The following ATP8A1 variants were observed in gnomAD, a reference collection of about 807,000 sequenced individuals.
The protein encoded by ATP8A1 is phospholipid-transporting ATPase IA.
A neutral mutation model predicts 177.7 loss-of-function variants in ATP8A1; 90 were observed. The ratio of observed to expected loss-of-function variants is 0.51; its 90% CI spans 0.43 to 0.60. The LOEUF (loss-of-function observed/expected upper bound fraction) is 0.60. Ranked by LOEUF, ATP8A1 falls within the 20% of genes least tolerant of loss-of-function variation. The probability of loss-of-function intolerance (pLI) is 0.00; values close to 1 mark genes in which losing one functional copy is unlikely to be tolerated. For missense variants in ATP8A1, 1,072 were observed against 1,392.8 expected (o/e 0.77, Z 3.67); for synonymous variants, 493 against 485.9 (o/e 1.01, Z -0.19).
In ATP8A1 at chr4:42,592,608, T is replaced by C. The variant is rs73810728; in HGVS notation, c.451-1724A>G. Among the ~76,000 whole-genome samples the C allele has an allele frequency of 7.8e-3, 1,185 of 152,250 alleles. 19 individuals are homozygous for C. The highest frequency in any genetic ancestry group is 0.027 in the African/African-American group (1,122 of 41,560). On this transcript the variant is annotated intron_variant, in intron 6 of 36. Coordinates refer to ENST00000381668, the MANE Select transcript of ATP8A1 (RefSeq NM_006095.2). ...AGGTGTTACTATCATTTTGAACTTA[T>C]ATACAGTCACGTGACAATGACAGGT...
intron 31 of ATP8A1, among the ~76,000 whole-genome samples, chr4:42,445,721 G>A (rs879348837): frequency 1.3e-5 from 2 of 152,054 alleles, no homozygotes; most frequent in Non-Finnish European, 2.9e-5. Context: ...TGGCAATTTA[G>A]GTTATTTGTT....
chr4:42,462,817 G>C (rs866256404), intron 27 of ATP8A1, among the ~76,000 whole-genome samples: 13 of 152,220 alleles, frequency 8.5e-5, no homozygotes, highest in African/African-American at 2.9e-4. Flanking sequence ...CCACGGGGCA[G>C]AGCGGCCCAA....
chr4:42,434,291 C>T (rs1164869002), intron 33 of ATP8A1, among the ~76,000 whole-genome samples: 5 of 152,052 alleles, frequency 3.3e-5, no homozygotes, highest in African/African-American at 4.8e-5. Context: ...TTACTTGTTA[C>T]ACCATTCTTA....
chr4:42,621,857 A>G (rs746911333), intron 4 of ATP8A1, among the ~76,000 whole-genome samples: 22 of 152,346 alleles, frequency 1.4e-4, no homozygotes, highest in Non-Finnish European at 2.2e-4. Flanking sequence ...AGTAACCACA[A>G]TAACATGGTA....
chr4:42,517,001 A>G (rs1725608717), intron 22 of ATP8A1, among the ~76,000 whole-genome samples: 1 of 152,166 alleles, frequency 6.6e-6, no homozygotes, highest in Non-Finnish European at 1.5e-5. Context: ...CAAAATTTTA[A>G]TTTAAAAACC....
chr4:42,601,324 C>T (rs1434207681), intron 5 of ATP8A1, among the ~76,000 whole-genome samples: 2 of 151,318 alleles, frequency 1.3e-5, no homozygotes, highest in Non-Finnish European at 2.9e-5. Flanking sequence ...GCGTGAGCCA[C>T]CGCGCCTGGC....
rs763032686 is a variant in ATP8A1, at chr4:42,478,072, T to A, written c.2324+7424A>T. On this transcript the variant is annotated intron_variant, in intron 25 of 36. Coordinates refer to ENST00000381668, the MANE Select transcript of ATP8A1 (RefSeq NM_006095.2). ...CATGTAGAAAAATAAAGGTAAAAAA[T>A]TTTTTTGGCGGGCGGCTCATGCCTG... Among the ~76,000 whole-genome samples the A allele has an allele frequency of 1.4e-4, 22 of 151,996 alleles. 1 individual carries two copies. The highest frequency in any genetic ancestry group is 1.3e-3 in the Admixed American group (20 of 15,262).
chr4:42,586,471 T>C lies in ATP8A1; in HGVS notation c.600A>G (p.Leu200=), dbSNP rs1176388605. 1 of 1,613,744 alleles carries C rather than the reference T, an allele frequency of 6.2e-7. No homozygotes were observed. The highest frequency in any genetic ancestry group is 1.3e-5 in the African/African-American group (1 of 74,926). ...CGTCTTTGATATCTGATGTTGCTGG[T>C]AAGCCCTGTTTGGAATTTTTAAATA... ...GETNLKIRQG[L]PATSDIKDVD... The change falls in exon 9 of 37, where the codon TTA becomes TTG. Residue 200 remains leucine (L), a synonymous_variant. Transcript: ENST00000381668.
At chr4:42,466,877 A>G (rs532985763) in intron 25 of ATP8A1, among the ~76,000 whole-genome samples, 1 of 152,378 alleles carries the variant, frequency 6.6e-6, no homozygotes, top group South Asian at 2.1e-4. Context: ...ACTATAGTTG[A>G]CATTTAGTAA....
chr4:42,598,239 A>G (rs1488499618), intron 6 of ATP8A1, among the ~76,000 whole-genome samples: 1 of 152,124 alleles, frequency 6.6e-6, no homozygotes, highest in Non-Finnish European at 1.5e-5. Flanking sequence ...CTTAGATATA[A>G]ATATTCAAAT....
chr4:42,497,909 T>C (rs1251535117), intron 24 of ATP8A1, among the ~76,000 whole-genome samples: 1 of 151,170 alleles, frequency 6.6e-6, no homozygotes, highest in Non-Finnish European at 1.5e-5. Flanking sequence ...AACAATCTTT[T>C]TGCATTAGGA....
At chr4:42,518,584 C>G (rs950292523) in intron 22 of ATP8A1, among the ~76,000 whole-genome samples, 1 of 152,034 alleles carries the variant, frequency 6.6e-6, no homozygotes, top group African/African-American at 2.4e-5. Context: ...ATGATTCAGG[C>G]AATGTTTGCT....
chr4:42,570,684 T>G (rs1334512092), intron 14 of ATP8A1, among the ~76,000 whole-genome samples: 1 of 152,256 alleles, frequency 6.6e-6, no homozygotes, highest in Non-Finnish European at 1.5e-5. Flanking sequence ...TGATCCTATA[T>G]GCAAGTTTCC....
At chr4:42,591,777 T>C (rs1734207154) in intron 6 of ATP8A1, among the ~76,000 whole-genome samples, 1 of 152,174 alleles carries the variant, frequency 6.6e-6, no homozygotes, top group Non-Finnish European at 1.5e-5. Context: ...ACCATGTTCA[T>C]GCTTTAATTT....
intron 12 of ATP8A1, among the ~76,000 whole-genome samples, chr4:42,577,160 T>C (rs930537887): frequency 9.8e-5 from 15 of 152,368 alleles, no homozygotes; most frequent in African/African-American, 3.1e-4. Context: ...CTTTGAAAGA[T>C]ATTATTTTTG....
chr4:42,434,655 G>C (rs986493786), intron 33 of ATP8A1, among the ~76,000 whole-genome samples: 1 of 152,100 alleles, frequency 6.6e-6, no homozygotes, highest in Admixed American at 6.5e-5. Context: ...CATCCCTCTG[G>C]CTCTCTTGTT....
At chr4:42,475,490 A>AC (rs755315095) in intron 25 of ATP8A1, among the ~76,000 whole-genome samples, 2 of 58,126 alleles carry the variant, frequency 3.4e-5, no homozygotes, top group Admixed American at 1.6e-4. Flanking sequence ...TAAATATCAG[A>AC]CAAAAAAAAA....
chr4:42,452,692 T>A (rs557354543), intron 29 of ATP8A1, among the ~76,000 whole-genome samples: 44 of 152,358 alleles, frequency 2.9e-4, no homozygotes, highest in African/African-American at 9.6e-4. Flanking sequence ...ACTTTTTATA[T>A]CTATTGTATT....
chr4:42,588,542 A>G, intron 7 of ATP8A1: 1 of 460,256 alleles, frequency 2.2e-6, no homozygotes, highest in South Asian at 3.1e-5. Context: ...AGAAGGACCC[A>G]AAAGCAATTT....
Sources: gnomAD v4.1 joint callset for allele counts (sites outside exome capture counted in the v4.1 genomes callset) on GRCh38, gnomAD v4.1.1 for gene constraint, MANE v1.5 for transcripts, NCBI Gene and HGNC (gene_info 2026-07-23, HGNC 2026-07-21) for gene names.